Variants in PAK1 observed in about 807,000 individuals in gnomAD.
The protein encoded by PAK1 is p21 (RAC1) activated kinase 1.
In PAK1, 29 loss-of-function variants were observed where a neutral mutation model predicts 67.4. The ratio of observed to expected loss-of-function variants is 0.43; its 90% CI spans 0.32 to 0.59. The LOEUF is 0.59. PAK1 is among the 20% of genes least tolerant of loss of function. PAK1 has a pLI of 0.07. For synonymous variants in PAK1, 223 were observed against 237.4 expected (o/e 0.94, Z 0.56); for missense variants, 337 against 670.7 (o/e 0.50, Z 5.50).
At chr11:77,511,975 T>C in the PAK1 span, among the ~76,000 whole-genome samples, 1 of 152,158 alleles carries the variant, frequency 6.6e-6, no homozygotes, top group Admixed American at 6.5e-5. Flanking sequence ...AGTCTCACTT[T>C]GGTAGGGGGA....
chr11:77,402,005 A>G (rs1255663452), intron 1 of PAK1, among the ~76,000 whole-genome samples: 2 of 152,222 alleles, frequency 1.3e-5, no homozygotes, highest in Non-Finnish European at 2.9e-5. Flanking sequence ...GAAAAAACAC[A>G]GGACCTGAAA....
chr11:77,330,480 G>A (rs371770421), intron 14 of PAK1, among the ~76,000 whole-genome samples: 6 of 151,976 alleles, frequency 3.9e-5, no homozygotes, highest in African/African-American at 7.3e-5. Context: ...AAATAACGCC[G>A]CATATCTACA....
At chr11:77,508,850 T>C in the PAK1 span, among the ~76,000 whole-genome samples, 2 of 150,170 alleles carry the variant, frequency 1.3e-5, no homozygotes, top group Admixed American at 6.6e-5. Flanking sequence ...TTAGTAGAGA[T>C]GGGGTTTCAC....
the PAK1 span, among the ~76,000 whole-genome samples, chr11:77,481,673 CA>C: frequency 0.39 from 36,971 of 94,366 alleles, 4,602 homozygotes; most frequent in Admixed American, 0.5. Context: ...GACTCCATCT[CA>C]AAAAAAAAAA....
chr11:77,373,562 TAAA>T (rs34413403), intron 5 of PAK1, among the ~76,000 whole-genome samples: 4 of 120,768 alleles, frequency 3.3e-5, no homozygotes, highest in Non-Finnish European at 3.4e-5. Flanking sequence ...CTCGTCTCTT[TAAA>T]AAAAAAAAAA....
intron 1 of PAK1, among the ~76,000 whole-genome samples, chr11:77,421,315 A>G: frequency 6.6e-6 from 1 of 152,188 alleles, no homozygotes; most frequent in East Asian, 1.9e-4. Context: ...TCAGATAACC[A>G]TATGGCTTAT....
intron 1 of PAK1, among the ~76,000 whole-genome samples, chr11:77,444,275 C>T (rs1441263132): frequency 1.4e-5 from 2 of 143,550 alleles, no homozygotes; most frequent in East Asian, 3.9e-4. Flanking sequence ...GTACGTAAAC[C>T]TGGAGAGCTC....
intron 2 of PAK1, among the ~76,000 whole-genome samples, chr11:77,385,373 C>A (rs774053353): frequency 2.0e-5 from 3 of 152,142 alleles, no homozygotes; most frequent in Non-Finnish European, 4.4e-5. Context: ...AATAGAACCA[C>A]AAAGCATTAG....
intron 1 of PAK1, among the ~76,000 whole-genome samples, chr11:77,467,666 C>T (rs948075970): frequency 3.3e-5 from 5 of 152,216 alleles, no homozygotes; most frequent in African/African-American, 9.6e-5. Flanking sequence ...ATTAAAACCA[C>T]TGCTACACAC....
chr11:77,361,290 G>C (rs1377820438), intron 5 of PAK1, among the ~76,000 whole-genome samples: 1 of 152,162 alleles, frequency 6.6e-6, no homozygotes, highest in Non-Finnish European at 1.5e-5. Flanking sequence ...AGCAAGCCAC[G>C]GGGCTCTCTG....
At chr11:77,511,731 G>A in the PAK1 span, among the ~76,000 whole-genome samples, 3 of 152,198 alleles carry the variant, frequency 2.0e-5, no homozygotes, top group Non-Finnish European at 4.4e-5. Flanking sequence ...TAAGCTGCAT[G>A]AGCAACTAAA....
At chr11:77,413,232 C>A (rs1473953700) in intron 1 of PAK1, among the ~76,000 whole-genome samples, 1 of 152,172 alleles carries the variant, frequency 6.6e-6, no homozygotes, top group Non-Finnish European at 1.5e-5. Context: ...TAAAAGATCA[C>A]TGGCTGTTCA....
upstream of PAK1, among the ~76,000 whole-genome samples, chr11:77,478,399 T>A (rs1565732295): frequency 6.6e-6 from 1 of 152,192 alleles, no homozygotes; most frequent in East Asian, 1.9e-4. Flanking sequence ...AAGCTCTTCT[T>A]ACACTTTCTT....
chr11:77,367,821 C>CA (rs1260206825), intron 5 of PAK1, among the ~76,000 whole-genome samples: 11 of 151,144 alleles, frequency 7.3e-5, no homozygotes, highest in African/African-American at 2.7e-4. Flanking sequence ...TACTAATATA[C>CA]AAAAAAAAAT....
intron 1 of PAK1, among the ~76,000 whole-genome samples, chr11:77,413,424 G>A (rs1954760363): frequency 6.6e-6 from 1 of 152,168 alleles, no homozygotes; most frequent in African/African-American, 2.4e-5. Flanking sequence ...AGAATACGAT[G>A]GTGAAAGAAG....
chr11:77,477,580 A>AAAAAAAAAAAAAAC (rs1958073098), upstream of PAK1, among the ~76,000 whole-genome samples: 1 of 148,152 alleles, frequency 6.7e-6, no homozygotes, highest in African/African-American at 2.5e-5. Flanking sequence ...AAAAAAAAAA[A>AAAAAAAAAAAAAAC]CCCAAATACA....
chr11:77,459,399 T>C (rs1957219207), intron 1 of PAK1, among the ~76,000 whole-genome samples: 2 of 152,134 alleles, frequency 1.3e-5, no homozygotes, highest in South Asian at 4.1e-4. Flanking sequence ...GAAATAAAAA[T>C]AAACTGGTAA....
chr11:77,410,956 G>C (rs145904694), intron 1 of PAK1, among the ~76,000 whole-genome samples: 1 of 151,990 alleles, frequency 6.6e-6, no homozygotes. Flanking sequence ...CTAGTTTAAC[G>C]CAACTTTATA....
At chr11:77,478,013 G>C (rs1476767637), upstream of PAK1, among the ~76,000 whole-genome samples, 2 of 152,192 alleles carry the variant, frequency 1.3e-5, no homozygotes, top group Non-Finnish European at 2.9e-5. Flanking sequence ...AAAGGTGCAA[G>C]GCAGGAACCA....
Sources: gnomAD v4.1 joint callset for allele counts (sites outside exome capture counted in the v4.1 genomes callset) on GRCh38, gnomAD v4.1.1 for gene constraint, MANE v1.5 for transcripts, NCBI Gene and HGNC (gene_info 2026-07-23, HGNC 2026-07-21) for gene names.